Variants in FAM120B observed in about 807,000 individuals in gnomAD.
FAM120B encodes the protein constitutive coactivator of peroxisome proliferator-activated receptor gamma.
In FAM120B, 83 loss-of-function variants were observed where a neutral mutation model predicts 96.3. The observed-to-expected ratio is 0.86, with a 90% CI of 0.72 to 1.03. FAM120B has a LOEUF of 1.03. FAM120B is among the 50% of genes least tolerant of loss of function. The pLI, the probability that FAM120B is intolerant of heterozygous loss-of-function variation, is 0.00. For missense variants in FAM120B, 1,027 were observed against 1,121.2 expected, an observed-to-expected ratio of 0.92 and a Z score of 1.20; for synonymous variants, 407 against 402.7, an observed-to-expected ratio of 1.01 and a Z score of -0.13.
chr6:170,400,986 C>G (rs1049570129), intron 9 of FAM120B, among the ~76,000 whole-genome samples: 2 of 152,188 alleles, frequency 1.3e-5, no homozygotes, highest in African/African-American at 4.8e-5. Context: ...ACCAAAAGAA[C>G]CCCCTTCCTT....
intron 3 of FAM120B, among the ~76,000 whole-genome samples, chr6:170,328,762 A>G (rs1244729352): frequency 1.3e-5 from 2 of 152,070 alleles, no homozygotes; most frequent in Non-Finnish European, 2.9e-5. Flanking sequence ...ACTTCCTCCT[A>G]CAGGGTCCAC....
Position 170,358,134 on chromosome 6 carries a change from A to G in FAM120B, c.2191-92A>G, listed in dbSNP as rs184909834. 17 of 1,109,618 alleles carry G rather than the reference A, an allele frequency of 1.5e-5. No individual in the cohort carries two copies. The Admixed American group carries it at 2.9e-4, about 19-fold the overall frequency. 68.7% of individuals were successfully genotyped at this position (1,109,618 alleles called of 1,614,324 possible). A position where few individuals can be genotyped will look rare whatever the true frequency, so the allele number is the denominator to read the frequency against. On this transcript the variant is annotated intron_variant, in intron 5 of 10. Transcript: ENST00000476287. Reference sequence around the variant, plus strand: ...CCTGTGTGTGCATGTTTGCGCCTATACACACACTCATAGTTAATAACTGAG... The same window carrying G: ...CCTGTGTGTGCATGTTTGCGCCTATGCACACACTCATAGTTAATAACTGAG...
intron 4 of FAM120B, among the ~76,000 whole-genome samples, chr6:170,336,533 A>G (rs1371846719): frequency 6.6e-6 from 1 of 152,160 alleles, no homozygotes; most frequent in Non-Finnish European, 1.5e-5. Flanking sequence ...TTGGTTCCAT[A>G]TGAAATTTAA....
intron 5 of FAM120B, among the ~76,000 whole-genome samples, chr6:170,356,364 T>G (rs1787953861): frequency 6.6e-6 from 1 of 152,222 alleles, no homozygotes; most frequent in Non-Finnish European, 1.5e-5. Flanking sequence ...AAGAAGGTGC[T>G]GTATTATTCC....
At chr6:170,353,246 A>G (rs765875445) in intron 5 of FAM120B, among the ~76,000 whole-genome samples, 6 of 152,182 alleles carry the variant, frequency 3.9e-5, no homozygotes, top group South Asian at 2.1e-4. Context: ...AATTAAGGCA[A>G]TAATAAATAG....
At chr6:170,314,281 G>T (rs1250261469) in intron 1 of FAM120B, among the ~76,000 whole-genome samples, 1 of 152,184 alleles carries the variant, frequency 6.6e-6, no homozygotes, top group Middle Eastern at 3.2e-3. Context: ...ACTTTGCACT[G>T]CTTCTTTGGC....
rs2115353223 is a variant in FAM120B at position 170,405,518 on chromosome 6, A to G, written c.*767A>G. On this transcript the variant is annotated 3_prime_UTR_variant, in exon 11 of 11. Transcript: ENST00000476287. ...CACAATGGCGAGCAAGTTAAAACGG[A>G]TTTCCCATTTAATTTAATTTTCAGA... is the stretch of plus-strand genomic sequence containing the variant. 1 of 152,336 alleles carries G rather than the reference A, an allele frequency of 6.6e-6. No homozygotes were observed. Among genetic ancestry groups the G allele is most frequent in the African/African-American group, 2.4e-5 (1 of 41,580 alleles). 9.4% of individuals were successfully genotyped at this position (152,336 alleles called of 1,614,324 possible).
At chr6:170,306,275 G>A (rs1784277522), upstream of FAM120B, among the ~76,000 whole-genome samples, 1 of 152,116 alleles carries the variant, frequency 6.6e-6, no homozygotes, top group Non-Finnish European at 1.5e-5. Context: ...GGGGAAGCGC[G>A]CGGCGGGTCC....
chr6:170,336,727 C>T (rs1562540921), intron 4 of FAM120B, among the ~76,000 whole-genome samples: 1 of 152,084 alleles, frequency 6.6e-6, no homozygotes, highest in Non-Finnish European at 1.5e-5. Context: ...GTTTGTAGTT[C>T]TCCTTGAAGA....
chr6:170,361,495 T>C (rs745808969), intron 6 of FAM120B, among the ~76,000 whole-genome samples: 5 of 152,000 alleles, frequency 3.3e-5, no homozygotes, highest in Non-Finnish European at 5.9e-5. Flanking sequence ...GGACAAAGGA[T>C]AGTTGTGCAC....
At chr6:170,329,718 CTCTT>C (rs1435351078) in intron 3 of FAM120B, among the ~76,000 whole-genome samples, 1 of 152,064 alleles carries the variant, frequency 6.6e-6, no homozygotes, top group Non-Finnish European at 1.5e-5. Context: ...GACTGATACT[CTCTT>C]TCTTCATCTT....
intron 9 of FAM120B, among the ~76,000 whole-genome samples, chr6:170,396,056 G>A (rs774084155): frequency 1.1e-3 from 168 of 152,164 alleles, no homozygotes; most frequent in Non-Finnish European, 1.9e-3. Context: ...TGCATGTATC[G>A]TGCTGAATTT....
Position 170,405,258 on chromosome 6 carries a change from A to G in FAM120B, c.*507A>G, listed in dbSNP as rs1778766258. 2 of 152,292 alleles carry G rather than the reference A, an allele frequency of 1.3e-5. No homozygotes were observed. The highest frequency in any genetic ancestry group is 4.8e-5 in the African/African-American group (2 of 41,460). The allele number at this position is 152,292 out of a possible 1,614,324, so 9.4% of individuals were successfully genotyped here. On this transcript the variant is annotated 3_prime_UTR_variant, in exon 11 of 11. Coordinates refer to ENST00000476287, the MANE Select transcript of FAM120B (RefSeq NM_032448.3). ...TATCTATACCTTGGCTTTTTCCTCT[A>G]CGTACATACCATGATAAAGCTTAAC...
intron 6 of FAM120B, among the ~76,000 whole-genome samples, chr6:170,379,977 G>A (rs1015073105): frequency 1.3e-5 from 2 of 152,136 alleles, no homozygotes; most frequent in African/African-American, 2.4e-5. Flanking sequence ...CCACATAACT[G>A]CAACTCTGTC....
At chr6:170,346,379 T>C (rs958129760) in intron 4 of FAM120B, among the ~76,000 whole-genome samples, 9 of 152,218 alleles carry the variant, frequency 5.9e-5, no homozygotes, top group Non-Finnish European at 1.3e-4. Flanking sequence ...GAATTGTACA[T>C]TGTTTTTATT....
chr6:170,320,385 C>T (rs140735562), intron 2 of FAM120B, among the ~76,000 whole-genome samples: 1 of 152,218 alleles, frequency 6.6e-6, no homozygotes, highest in Non-Finnish European at 1.5e-5. Flanking sequence ...TGAAACATTA[C>T]AGTGCAGTGA....
chr6:170,303,693 G>GT (rs1298448183), upstream of FAM120B, among the ~76,000 whole-genome samples: 2 of 152,100 alleles, frequency 1.3e-5, no homozygotes, highest in African/African-American at 2.4e-5. Flanking sequence ...GTAAACACAC[G>GT]TAAGGTCACC....
chr6:170,371,186 C>A (rs1045593227), intron 6 of FAM120B, among the ~76,000 whole-genome samples: 1 of 152,114 alleles, frequency 6.6e-6, no homozygotes, highest in Non-Finnish European at 1.5e-5. Context: ...ACCACTCATC[C>A]ATTTTCTGCC....
At position 170,306,813 on chromosome 6, in the gene FAM120B, C is replaced by A. The variant is rs17860763; in HGVS notation, c.-51C>A. On this transcript the variant is annotated 5_prime_UTR_variant, in exon 1 of 11. Transcript: ENST00000476287. ...GGCTGGGCCTAGGGTGCAGCGGGCG[C>A]GTCTGCGGCTGGTGTTGGCGCATCT... is the stretch of plus-strand genomic sequence containing the variant. The A allele has an allele frequency of 0.015, 2,219 of 152,738 alleles. 22 individuals are homozygous for A. The highest frequency in any genetic ancestry group is 0.045 in the Middle Eastern group (13 of 292). 9.5% of individuals were successfully genotyped at this position (152,738 alleles called of 1,614,324 possible).
Sources: gnomAD v4.1 joint callset for allele counts (sites outside exome capture counted in the v4.1 genomes callset) on GRCh38, gnomAD v4.1.1 for gene constraint, MANE v1.5 for transcripts, NCBI Gene and HGNC (gene_info 2026-07-23, HGNC 2026-07-21) for gene names.